GSG1L: variants seen among roughly 807,000 people sequenced by gnomAD.
GSG1L encodes the protein germ cell-specific gene 1-like protein.
GSG1L carries 24 observed loss-of-function variants against 42.1 expected under a neutral mutation model. The ratio of observed to expected loss-of-function variants is 0.57; its 90% CI spans 0.41 to 0.80. GSG1L has a LOEUF of 0.80. GSG1L is among the 30% of genes least tolerant of loss of function. GSG1L has a pLI of 0.00. For synonymous variants in GSG1L, 215 were observed against 203.5 expected, an observed-to-expected ratio of 1.06 and a Z score of -0.48; for missense variants, 445 against 472.2, an observed-to-expected ratio of 0.94 and a Z score of 0.53.
chr16:27,960,935 G>T (rs947359797), intron 2 of GSG1L, among the ~76,000 whole-genome samples: 5 of 152,038 alleles, frequency 3.3e-5, no homozygotes, highest in African/African-American at 1.2e-4. Flanking sequence ...AAAACACAAA[G>T]ATACAACCTC....
chr16:27,949,043 G>A (rs916129909), intron 2 of GSG1L, among the ~76,000 whole-genome samples: 8 of 151,380 alleles, frequency 5.3e-5, no homozygotes, highest in Admixed American at 1.3e-4. Context: ...TCAGCCTTCC[G>A]AGTAGCTGGG....
chr16:27,893,693 T>C (rs1258912283), intron 2 of GSG1L, among the ~76,000 whole-genome samples: 2 of 152,108 alleles, frequency 1.3e-5, no homozygotes, highest in African/African-American at 2.4e-5. Context: ...GATTCTTCTG[T>C]CTCAGCCTCC....
chr16:27,854,074 A>G (rs1044464247), intron 3 of GSG1L, among the ~76,000 whole-genome samples: 3 of 151,892 alleles, frequency 2.0e-5, no homozygotes, highest in African/African-American at 7.3e-5. Context: ...TGTTCCAAGA[A>G]AAAGGTTGAG....
intron 4 of GSG1L, among the ~76,000 whole-genome samples, chr16:27,837,672 G>A (rs1372943835): frequency 6.6e-6 from 1 of 152,248 alleles, no homozygotes; most frequent in Non-Finnish European, 1.5e-5. Context: ...AAGTCCACCT[G>A]GTGATTGTCA....
At chr16:27,914,105 T>C (rs1186204379) in intron 2 of GSG1L, among the ~76,000 whole-genome samples, 1 of 152,156 alleles carries the variant, frequency 6.6e-6, no homozygotes, top group African/African-American at 2.4e-5. Context: ...CATTTTTCTG[T>C]GTGGCTTAAT....
At chr16:27,994,595 C>T (rs191140638) in intron 1 of GSG1L, among the ~76,000 whole-genome samples, 99 of 152,236 alleles carry the variant, frequency 6.5e-4, no homozygotes, top group Admixed American at 1.2e-3. Flanking sequence ...CATATTTCTT[C>T]TATTTTGGTG....
intron 1 of GSG1L, among the ~76,000 whole-genome samples, chr16:27,982,677 A>G (rs2085338227): frequency 6.6e-6 from 1 of 152,198 alleles, no homozygotes; most frequent in Non-Finnish European, 1.5e-5. Flanking sequence ...TGGTATCAGC[A>G]TCTGCTCTGC....
chr16:28,057,414 T>C (rs1002768683), intron 1 of GSG1L, among the ~76,000 whole-genome samples: 1 of 152,082 alleles, frequency 6.6e-6, no homozygotes, highest in Admixed American at 6.5e-5. Flanking sequence ...TCGTGTAAAC[T>C]GAGGGCAGAA....
intron 4 of GSG1L, among the ~76,000 whole-genome samples, chr16:27,842,656 T>TAGA (rs1292497303): frequency 3.3e-5 from 5 of 152,118 alleles, no homozygotes; most frequent in Admixed American, 3.3e-4. Flanking sequence ...CCTGGGATTG[T>TAGA]TCTACTTAAA....
At chr16:27,895,791 G>A (rs1001155072) in intron 2 of GSG1L, among the ~76,000 whole-genome samples, 12 of 152,186 alleles carry the variant, frequency 7.9e-5, no homozygotes, top group African/African-American at 2.9e-4. Context: ...TTTATGCTTT[G>A]ACTCCAGGTC....
Position 27,789,827 on chromosome 16 carries a change from TGGATGGATGGATGAA to T in GSG1L, c.*1528_*1542del, listed in dbSNP as rs1384422431. 1.2e-5 allele frequency: 1 copy of T among 86,286 alleles called. No homozygotes were observed. Among genetic ancestry groups the T allele is most frequent in the African/African-American group, 3.6e-5 (1 of 28,042 alleles). The allele number at this position is 86,286 out of a possible 1,614,324, so 5.3% of individuals were successfully genotyped here. A position where few individuals can be genotyped will look rare whatever the true frequency, so the allele number is the denominator to read the frequency against. On this transcript the variant is annotated 3_prime_UTR_variant, in exon 7 of 7. Transcript: ENST00000447459. ...GACAGATGATGGATGGATGGATGGG[TGGATGGATGGATGAA>T]GGATGGATGGATGGATGATGAAGGA...
chr16:27,803,497 G>T (rs930113710), intron 6 of GSG1L, among the ~76,000 whole-genome samples: 6 of 151,982 alleles, frequency 3.9e-5, no homozygotes, highest in Admixed American at 6.6e-5. Context: ...TCCTAGTTGG[G>T]TGTTCAATCA....
At chr16:27,931,837 G>T (rs934933434) in intron 2 of GSG1L, among the ~76,000 whole-genome samples, 1 of 152,198 alleles carries the variant, frequency 6.6e-6, no homozygotes, top group African/African-American at 2.4e-5. Flanking sequence ...GAGGAGCGCA[G>T]TGTGGAGAAT....
At chr16:27,850,585 G>T in intron 3 of GSG1L, 1 of 455,834 alleles carries the variant, frequency 2.2e-6, no homozygotes, top group South Asian at 1.5e-5. Flanking sequence ...AGGCAGAGTG[G>T]CCAGGGAGGC....
intron 1 of GSG1L, among the ~76,000 whole-genome samples, chr16:28,012,712 C>A (rs140621448): frequency 6.6e-6 from 1 of 151,876 alleles, no homozygotes; most frequent in Non-Finnish European, 1.5e-5. Flanking sequence ...ACAGCAAGAC[C>A]GTGTCTCTAT....
At chr16:27,846,013 C>T (rs1488739958) in intron 3 of GSG1L, among the ~76,000 whole-genome samples, 1 of 152,096 alleles carries the variant, frequency 6.6e-6, no homozygotes, top group African/African-American at 2.4e-5. Context: ...GTTGATCCTC[C>T]CACCTCAGCC....
chr16:27,919,562 T>A (rs1338092931), intron 2 of GSG1L, among the ~76,000 whole-genome samples: 1 of 152,188 alleles, frequency 6.6e-6, no homozygotes, highest in Non-Finnish European at 1.5e-5. Flanking sequence ...CTCCATTTTT[T>A]CAGCAAATGC....
intron 1 of GSG1L, among the ~76,000 whole-genome samples, chr16:27,979,284 G>T (rs188615913): frequency 4.6e-5 from 7 of 152,074 alleles, no homozygotes; most frequent in Admixed American, 1.3e-4. Context: ...AAGAAAAAAA[G>T]GTCGGACATG....
intron 1 of GSG1L, among the ~76,000 whole-genome samples, chr16:28,038,660 TC>T (rs2086068995): frequency 6.6e-6 from 1 of 152,178 alleles, no homozygotes; most frequent in African/African-American, 2.4e-5. Context: ...AGCATCGCCA[TC>T]CGTCCTCCTG....
Sources: allele counts gnomAD v4.1 joint callset (sites outside exome capture counted in the v4.1 genomes callset), GRCh38; gene constraint gnomAD v4.1.1; transcripts MANE v1.5; gene names NCBI Gene and HGNC (gene_info 2026-07-23, HGNC 2026-07-21).